The following BTBD16 variants were observed in gnomAD, a reference collection of about 807,000 sequenced individuals.
BTBD16 encodes BTB/POZ domain-containing protein 16.
Under a neutral mutation model 67.4 loss-of-function variants are expected in BTBD16, and 66 were observed. The observed-to-expected ratio is 0.98, with a 90% CI of 0.80 to 1.20. The LOEUF (loss-of-function observed/expected upper bound fraction) is 1.20, where lower values mean the gene tolerates loss of function less well. BTBD16 is among the 50% of genes most tolerant of loss of function. The probability of loss-of-function intolerance (pLI) is 0.00; values close to 1 mark genes in which losing one functional copy is unlikely to be tolerated. For missense variants in BTBD16, 634 were observed against 616.0 expected (o/e 1.03, Z -0.31); for synonymous variants, 242 against 236.4 (o/e 1.02, Z -0.22).
intron 10 of BTBD16, among the ~76,000 whole-genome samples, chr10:122,310,833 A>G (rs1444789473): frequency 2.6e-5 from 4 of 152,350 alleles, no homozygotes; most frequent in South Asian, 2.1e-4. Flanking sequence ...GTAGTGGGAC[A>G]AGCTGAACAA....
chr10:122,280,529 T>C (rs923440369), intron 3 of BTBD16, among the ~76,000 whole-genome samples: 1 of 151,744 alleles, frequency 6.6e-6, no homozygotes, highest in Non-Finnish European at 1.5e-5. Flanking sequence ...GCTTAAGAGG[T>C]AAGAATGGGA....
intron 5 of BTBD16, among the ~76,000 whole-genome samples, chr10:122,288,826 C>T (rs1230916236): frequency 6.6e-6 from 1 of 152,150 alleles, no homozygotes; most frequent in African/African-American, 2.4e-5. Flanking sequence ...AGCCCCACAC[C>T]ATCCCGAGGA....
intron 10 of BTBD16, among the ~76,000 whole-genome samples, chr10:122,312,659 A>G (rs547890462): frequency 3.9e-5 from 6 of 152,152 alleles, no homozygotes; most frequent in African/African-American, 1.4e-4. Flanking sequence ...TAATTTGCCT[A>G]TTCCCTTTTA....
chr10:122,307,202 A>C lies in BTBD16; in HGVS notation c.805A>C (p.Ser269Arg). Residue 269 changes from serine to arginine, a missense_variant, in exon 10 of 16, where the codon AGT (serine) becomes CGT (arginine). Ser to Arg is a moderately radical substitution (Grantham distance 110). Transcript: ENST00000260723. ...VLKSPRLFTF[S>R]EFHLLKTMLL... ...TATTTTGGCCAGGTTATTTACCTTT[A>C]GTGAATTCCATCTTCTGAAAACAAT... is the stretch of plus-strand genomic sequence containing the variant. 1 of 1,602,594 alleles carries C rather than the reference A, an allele frequency of 6.2e-7. No individual in the cohort carries two copies. Among genetic ancestry groups the C allele is most frequent in the Non-Finnish European group, 8.5e-7 (1 of 1,176,646 alleles).
chr10:122,304,614 G>A (rs1590071812), intron 9 of BTBD16, among the ~76,000 whole-genome samples: 1 of 148,556 alleles, frequency 6.7e-6, no homozygotes, highest in Non-Finnish European at 1.5e-5. Flanking sequence ...GAGTGCAGTG[G>A]CGTGATCTCT....
At chr10:122,333,102 G>C in intron 13 of BTBD16, 1 of 347,072 alleles carries the variant, frequency 2.9e-6, no homozygotes. Flanking sequence ...GATCTCCTTT[G>C]ATTATTTCAA....
rs13377142 is a variant in BTBD16 at position 122,297,873 on chromosome 10, G to T, written c.660+36G>T. Reference sequence around the variant, plus strand: ...CCCAGACGGGGCACATCGCCCCTTGGGGGGGCCTTCAGGAGCAGCCTAGAT... The same window carrying T: ...CCCAGACGGGGCACATCGCCCCTTGTGGGGGCCTTCAGGAGCAGCCTAGAT... On this transcript the variant is annotated intron_variant, in intron 8 of 15. Coordinates refer to ENST00000260723, the MANE Select transcript of BTBD16 (RefSeq NM_144587.5). 3.0e-3 allele frequency: 4,842 copies of T among 1,602,942 alleles called. 120 individuals carry two copies. In the African/African-American group the frequency reaches 0.057, roughly 19 times the overall value.
chr10:122,276,683 C>T (rs1412878750), intron 2 of BTBD16, 108 bp from the exon 3 acceptor site: 8 of 1,428,640 alleles, frequency 5.6e-6, no homozygotes, highest in Non-Finnish European at 7.6e-6. Context: ...AATTAACCAG[C>T]ACTGTAAAAT....
intron 13 of BTBD16, 61 bp downstream of exon 13, chr10:122,332,574 C>G: frequency 1.3e-6 from 2 of 1,528,542 alleles, no homozygotes; most frequent in Admixed American, 1.7e-5. Flanking sequence ...AGTTAAGAAC[C>G]TTTGGAGGGC....
At chr10:122,309,352 G>GT (rs200767670) in intron 10 of BTBD16, among the ~76,000 whole-genome samples, 14,476 of 143,560 alleles carry the variant, frequency 0.1, 957 homozygotes, top group East Asian at 0.26. Context: ...TTTTGTTTTT[G>GT]TTTTTTTTTT....
At position 122,291,107 on chromosome 10, in the gene BTBD16, A is replaced by G. The variant is rs759045854; in HGVS notation, c.503A>G (p.Tyr168Cys). The G allele has an allele frequency of 2.5e-6, 4 of 1,613,302 alleles. No homozygotes were observed. In the African/African-American group the frequency reaches 5.3e-5, roughly 22 times the overall value. ...VAFATALKNL[Y>C]MSEVEINLED... Reference sequence around the variant, plus strand: ...TTCGCCACGGCCCTGAAGAACCTCTACATGAGTGAGGTGGAGATTAACTTG... The same window carrying G: ...TTCGCCACGGCCCTGAAGAACCTCTGCATGAGTGAGGTGGAGATTAACTTG... The change falls in exon 7 of 16, where the codon TAC (tyrosine) becomes TGC (cysteine). Residue 168 changes from tyrosine to cysteine, a missense_variant. By Grantham distance (194) the Tyr-to-Cys change is radical. Coordinates refer to ENST00000260723, the MANE Select transcript of BTBD16 (RefSeq NM_144587.5).
rs1370170021 is a variant in BTBD16, at chr10:122,299,132, C to G, written c.789C>G (p.Pro263=). 9.3e-6 allele frequency: 15 copies of G among 1,613,474 alleles called. No individual in the cohort carries two copies. Among genetic ancestry groups the G allele is most frequent in the Non-Finnish European group, 1.3e-5 (15 of 1,179,826 alleles). ...QDLLHKVLKS[P]RLFTFSEFHL... ...TGCTCCACAAAGTGCTGAAGTCCCC[C>G]AGGTCAGAGCTGGCTCCCAGGGTGC... is the stretch of plus-strand genomic sequence containing the variant. The change falls in exon 9 of 16, where the codon CCC becomes CCG. Residue 263 remains proline (P), a splice_region_variant and synonymous_variant. Transcript: ENST00000260723.
intron 10 of BTBD16, among the ~76,000 whole-genome samples, chr10:122,311,349 A>G (rs1255807701): frequency 6.6e-6 from 1 of 152,146 alleles, no homozygotes; most frequent in Non-Finnish European, 1.5e-5. Context: ...GTGCACATAA[A>G]TGCATACACA....
intron 10 of BTBD16, among the ~76,000 whole-genome samples, chr10:122,317,578 C>T (rs77494534): frequency 0.068 from 10,293 of 151,810 alleles, 452 homozygotes; most frequent in Middle Eastern, 0.099. Context: ...ACCTGGGAGG[C>T]GGAGCTTGCA....
intron 2 of BTBD16, among the ~76,000 whole-genome samples, chr10:122,275,630 G>A (rs763505509): frequency 3.9e-5 from 6 of 152,134 alleles, no homozygotes; most frequent in Non-Finnish European, 8.8e-5. Flanking sequence ...GCTCTAGTCC[G>A]TGGCCCATGG....
At chr10:122,328,002 G>A (rs2096448245) in intron 10 of BTBD16, among the ~76,000 whole-genome samples, 1 of 152,224 alleles carries the variant, frequency 6.6e-6, no homozygotes, top group Admixed American at 6.5e-5. Context: ...CATAGGTGCT[G>A]GCTTGTCCCC....
chr10:122,328,973 G>C (rs573405613), intron 10 of BTBD16: 1 of 435,118 alleles, frequency 2.3e-6, no homozygotes, highest in Non-Finnish European at 3.1e-6. Context: ...TTTTCAGAAA[G>C]CACTTTTGCA....
chr10:122,279,348 T>G (rs6585809), intron 3 of BTBD16, among the ~76,000 whole-genome samples: 57,282 of 151,636 alleles, frequency 0.38, 11,916 homozygotes, highest in African/African-American at 0.56. Context: ...GTATGCTGGC[T>G]TGAACCTGTA....
intron 10 of BTBD16, among the ~76,000 whole-genome samples, chr10:122,314,894 AG>A (rs2096421124): frequency 6.6e-6 from 1 of 152,168 alleles, no homozygotes; most frequent in Non-Finnish European, 1.5e-5. Context: ...CATGTTGAGT[AG>A]ACATGAACAT....
Sources: gnomAD v4.1 joint callset for allele counts (sites outside exome capture counted in the v4.1 genomes callset) on GRCh38, gnomAD v4.1.1 for gene constraint, MANE v1.5 for transcripts, NCBI Gene and HGNC (gene_info 2026-07-23, HGNC 2026-07-21) for gene names.